The following GLB1 variants were observed in gnomAD, a reference collection of about 807,000 sequenced individuals.
GLB1 encodes the protein galactosidase beta 1, also known as beta-galactosidase.
Under a neutral mutation model 74.0 loss-of-function variants are expected in GLB1, and 56 were observed. The observed-to-expected ratio is 0.76, with a 90% confidence interval of 0.61 to 0.94. GLB1 has a LOEUF of 0.94. Ranked by LOEUF, GLB1 falls within the 40% of genes least tolerant of loss-of-function variation. The probability of loss-of-function intolerance (pLI) is 0.00; values close to 1 mark genes in which losing one functional copy is unlikely to be tolerated. For missense variants in GLB1, 787 were observed against 845.5 expected, an observed-to-expected ratio of 0.93 and a Z score of 0.86; for synonymous variants, 323 against 323.6, an observed-to-expected ratio of 1.00 and a Z score of 0.02.
intron 1 of GLB1, chr3:33,092,796 G>A: frequency 6.5e-7 from 1 of 1,547,870 alleles, no homozygotes; most frequent in Non-Finnish European, 8.7e-7. Flanking sequence ...GAGGGTCGAG[G>A]ACAAGGGCAG....
chr3:33,024,299 G>C lies in GLB1; in HGVS notation c.1095C>G (p.Ile365Met), dbSNP rs200762972. The C allele has an allele frequency of 2.5e-6, 4 of 1,586,800 alleles. No homozygotes were observed. Among genetic ancestry groups the C allele is most frequent in the Non-Finnish European group, 3.4e-6 (4 of 1,167,822 alleles). ...ATGCAAACTTTGGTGTAGATGGAGG[G>C]ATAGGACCTTCTGGTACTTTTTCAA... ...QKFEKVPEGP[I>M]PPSTPKFAYG... is the part of the protein sequence containing the mutation. The change falls in exon 11 of 16, where the codon ATC becomes ATG. Residue 365 changes from isoleucine to methionine, a missense_variant. Coordinates refer to ENST00000307363, the MANE Select transcript of GLB1 (RefSeq NM_000404.4).
intron 15 of GLB1, among the ~76,000 whole-genome samples, chr3:33,007,219 C>T (rs1007447596): frequency 3.3e-5 from 5 of 152,196 alleles, no homozygotes; most frequent in African/African-American, 1.2e-4. Flanking sequence ...TTGTGTGTGG[C>T]ACTTTATTGA....
intron 1 of GLB1, chr3:33,096,767 G>C: frequency 7.6e-7 from 1 of 1,323,724 alleles, no homozygotes; most frequent in Non-Finnish European, 9.6e-7. Context: ...CAAGCGCAAA[G>C]GGCGGCCGGA....
At chr3:33,039,619 AT>A (rs1183586239) in intron 10 of GLB1, among the ~76,000 whole-genome samples, 2 of 152,192 alleles carry the variant, frequency 1.3e-5, no homozygotes, top group Non-Finnish European at 2.9e-5. Flanking sequence ...CGCTTAGGAG[AT>A]ACACAGAACA....
At chr3:33,034,415 G>A in intron 10 of GLB1, 1 of 742,362 alleles carries the variant, frequency 1.3e-6, no homozygotes, top group Non-Finnish European at 2.5e-6. Context: ...GTTTCCATCA[G>A]GTGGCTGTGA....
At chr3:33,068,011 GA>G (rs1210996198) in intron 4 of GLB1, among the ~76,000 whole-genome samples, 8 of 152,094 alleles carry the variant, frequency 5.3e-5, no homozygotes, top group African/African-American at 1.7e-4. Context: ...TCAGCCTCCT[GA>G]GTAGCTGGGA....
downstream of GLB1, among the ~76,000 whole-genome samples, chr3:32,991,779 G>A (rs773047223): frequency 6.6e-6 from 1 of 152,216 alleles, no homozygotes; most frequent in Non-Finnish European, 1.5e-5. Context: ...TAGCAGGCAA[G>A]TGAGTGAAGG....
intron 1 of GLB1, among the ~76,000 whole-genome samples, chr3:33,089,071 G>T (rs901070177): frequency 6.6e-6 from 1 of 152,156 alleles, no homozygotes; most frequent in Non-Finnish European, 1.5e-5. Flanking sequence ...GGGAAAACTG[G>T]ATATTCACAG....
intron 1 of GLB1, among the ~76,000 whole-genome samples, chr3:33,088,432 G>T (rs1700619121): frequency 6.8e-6 from 1 of 147,366 alleles, no homozygotes; most frequent in Non-Finnish European, 1.5e-5. Context: ...ACTAATAAAT[G>T]AATTCAGCAA....
intron 9 of GLB1, 143 bp downstream of exon 9, chr3:33,051,615 A>AAAGAAAAG: frequency 8.5e-7 from 1 of 1,176,710 alleles, no homozygotes; most frequent in East Asian, 2.9e-5. Flanking sequence ...AAAAAAAAAA[A>AAAGAAAAG]AAAAGAAAAA....
chr3:33,023,686 T>C (rs371346964), intron 11 of GLB1, among the ~76,000 whole-genome samples: 3 of 152,262 alleles, frequency 2.0e-5, no homozygotes, highest in African/African-American at 7.2e-5. Context: ...AAGTAAAACC[T>C]CTCTTCTTTT....
At chr3:33,065,391 TTC>T in intron 5 of GLB1, 70 bp downstream of exon 5, 1 of 1,527,900 alleles carries the variant, frequency 6.5e-7, no homozygotes, top group Non-Finnish European at 8.9e-7. Context: ...TCTGCATCAC[TTC>T]TATCATTTAT....
At chr3:33,053,962 G>A (rs1276461191) in intron 6 of GLB1, among the ~76,000 whole-genome samples, 10 of 152,062 alleles carry the variant, frequency 6.6e-5, no homozygotes, top group Non-Finnish European at 2.9e-5. Context: ...GCAGTGAGCC[G>A]AGATCGTGCC....
chr3:32,999,399 G>T (rs913235984), intron 15 of GLB1, among the ~76,000 whole-genome samples: 2 of 152,252 alleles, frequency 1.3e-5, no homozygotes, highest in African/African-American at 4.8e-5. Context: ...GGAATGGCAC[G>T]CACCACACAG....
chr3:32,963,040 A>T, the GLB1 span, among the ~76,000 whole-genome samples: 3 of 152,200 alleles, frequency 2.0e-5, no homozygotes, highest in Admixed American at 6.5e-5. Flanking sequence ...ATTAATATGT[A>T]TGTTAAATTA....
At chr3:32,997,496 G>T in intron 15 of GLB1, 152 bp from the exon 16 acceptor site, 1 of 1,332,330 alleles carries the variant, frequency 7.5e-7, no homozygotes, top group Non-Finnish European at 1.0e-6. Flanking sequence ...GCCAGCCTTG[G>T]TTTTAGCTTC....
intron 10 of GLB1, among the ~76,000 whole-genome samples, chr3:33,033,604 G>A (rs975857427): frequency 1.3e-4 from 20 of 151,420 alleles, no homozygotes; most frequent in Admixed American, 1.3e-3. Context: ...TCAACATGGT[G>A]AAACCCCGTC....
At chr3:33,050,613 C>G (rs1698936599) in intron 9 of GLB1, among the ~76,000 whole-genome samples, 1 of 152,112 alleles carries the variant, frequency 6.6e-6, no homozygotes, top group Admixed American at 6.5e-5. Context: ...ATATTATTTC[C>G]AGGGGCTGAG....
chr3:33,007,326 G>A (rs73826336), intron 15 of GLB1, among the ~76,000 whole-genome samples: 9,981 of 152,146 alleles, frequency 0.066, 393 homozygotes, highest in African/African-American at 0.086. Context: ...TCGTCACTCC[G>A]TTAAGAAGCC....
Sources: gnomAD v4.1 joint callset for allele counts (sites outside exome capture counted in the v4.1 genomes callset) on GRCh38, gnomAD v4.1.1 for gene constraint, MANE v1.5 for transcripts, NCBI Gene and HGNC (gene_info 2026-07-23, HGNC 2026-07-21) for gene names.